NOVA1: variants seen among roughly 807,000 people sequenced by gnomAD.
NOVA1 encodes the protein RNA-binding protein Nova-1.
NOVA1 carries 7 observed loss-of-function variants against 38.0 expected under a neutral mutation model. The ratio of observed to expected loss-of-function variants is 0.18; its 90% CI spans 0.10 to 0.35. NOVA1 has a LOEUF of 0.35. Among genes scored for constraint, NOVA1 ranks in the 10% least tolerant of loss-of-function variants. The pLI is 1.00. For missense variants in NOVA1, 460 were observed against 616.0 expected, an observed-to-expected ratio of 0.75 and a Z score of 2.68; for synonymous variants, 270 against 232.5, an observed-to-expected ratio of 1.16 and a Z score of -1.47.
intron 4 of NOVA1, chr14:26,470,335 G>A: frequency 1.4e-6 from 2 of 1,458,852 alleles, no homozygotes; most frequent in Non-Finnish European, 1.9e-6. Flanking sequence ...CCTACCACAT[G>A]ATTAGAATCT....
Position 26,448,406 on chromosome 14 carries a change from G to GGCTGCT in NOVA1, c.1071_1076dup (p.Ala358_Ala359dup). The GGCTGCT allele has an allele frequency of 6.2e-7, 1 of 1,611,892 alleles. No homozygotes were observed. The highest frequency in any genetic ancestry group is 8.5e-7 in the Non-Finnish European group (1 of 1,179,426). On this transcript the variant is annotated inframe_insertion, in exon 5 of 5. Coordinates refer to ENST00000539517, the MANE Select transcript of NOVA1 (RefSeq NM_002515.3). The surrounding 1 kb of genome is among the most constrained non-coding windows in gnomAD (Gnocchi z 5.3). ...CACTGGCATAGGTGGCCAATAAATT[G>GGCTGCT]GCTGCTGCTGCTGCTGGGTTGGCAC... is the stretch of plus-strand genomic sequence containing the variant.
chr14:26,511,465 T>C (rs1888076965), intron 2 of NOVA1, among the ~76,000 whole-genome samples: 1 of 152,118 alleles, frequency 6.6e-6, no homozygotes, highest in African/African-American at 2.4e-5. Context: ...GATAGGGTAT[T>C]AATTTAAAGA....
At chr14:26,475,855 G>T (rs988116096) in intron 3 of NOVA1, among the ~76,000 whole-genome samples, 39 of 152,174 alleles carry the variant, frequency 2.6e-4, no homozygotes, top group Admixed American at 2.6e-3. Context: ...GTTTTGCTGG[G>T]CCAGAGAATA....
intron 2 of NOVA1, among the ~76,000 whole-genome samples, chr14:26,551,292 G>C (rs1486910705): frequency 6.6e-6 from 1 of 151,974 alleles, no homozygotes; most frequent in East Asian, 1.9e-4. Context: ...TGAAGGGATA[G>C]TCCAACTACA....
At chr14:26,505,938 TATTTC>T (rs887290440) in intron 2 of NOVA1, among the ~76,000 whole-genome samples, 2 of 152,156 alleles carry the variant, frequency 1.3e-5, no homozygotes, top group African/African-American at 2.4e-5. Context: ...TCATTTTCCT[TATTTC>T]ATTTGTATTA....
At chr14:26,549,878 G>GA in intron 2 of NOVA1, 4 of 417,194 alleles carry the variant, frequency 9.6e-6, no homozygotes, top group African/African-American at 2.0e-5. Flanking sequence ...ATACATACAG[G>GA]GATGAAAAGT....
intron 4 of NOVA1, among the ~76,000 whole-genome samples, chr14:26,459,064 G>A (rs1415910613): frequency 2.0e-5 from 3 of 152,014 alleles, no homozygotes; most frequent in African/African-American, 2.4e-5. Context: ...GTACAGTAAT[G>A]TCCCAGACCT....
chr14:26,527,213 A>G (rs181910335), intron 2 of NOVA1, among the ~76,000 whole-genome samples: 1 of 152,320 alleles, frequency 6.6e-6, no homozygotes, highest in Admixed American at 6.5e-5. Context: ...CCAGGAGTCA[A>G]TGGGCTAGCT....
chr14:26,478,379 A>T lies in NOVA1; in HGVS notation c.447+1598T>A, dbSNP rs569505899. Among the ~76,000 whole-genome samples the T allele has an allele frequency of 1.4e-4, 20 of 148,078 alleles. No individual in the cohort carries two copies. The South Asian group carries it at 3.8e-3, about 28-fold the overall frequency. ...TACTACTAAATTTTATGTTTTACTTAAAAAAAAATCAAGATATTGGCTTCT... is the reference window on the plus strand; with the variant it reads ...TACTACTAAATTTTATGTTTTACTTTAAAAAAAATCAAGATATTGGCTTCT... On this transcript the variant is annotated intron_variant, in intron 3 of 4. Coordinates refer to ENST00000539517, the MANE Select transcript of NOVA1 (RefSeq NM_002515.3).
chr14:26,488,616 T>C lies in NOVA1; in HGVS notation c.281-8473A>G, dbSNP rs117389432. Among the ~76,000 whole-genome samples, 1,465 of 152,342 alleles carry C rather than the reference T, an allele frequency of 9.6e-3. 9 individuals are homozygous for C. The highest frequency in any genetic ancestry group is 0.017 in the Non-Finnish European group (1,136 of 68,020). On this transcript the variant is annotated intron_variant, in intron 2 of 4. Coordinates refer to ENST00000539517, the MANE Select transcript of NOVA1 (RefSeq NM_002515.3). ...GATGACGATTCATTCATCCTCAGCATAGGTTTATGCTAAATTTAGGATCAC... is the reference window on the plus strand; with the variant it reads ...GATGACGATTCATTCATCCTCAGCACAGGTTTATGCTAAATTTAGGATCAC...
intron 3 of NOVA1, 112 bp from the exon 4 acceptor site, chr14:26,472,503 A>C (rs922963299): frequency 2.1e-6 from 1 of 471,024 alleles, no homozygotes; most frequent in Non-Finnish European, 3.6e-6. Context: ...AATCCTATGA[A>C]CAAATTTTTC....
intron 2 of NOVA1, among the ~76,000 whole-genome samples, chr14:26,521,966 TC>T (rs1888930920): frequency 6.6e-6 from 1 of 152,074 alleles, no homozygotes; most frequent in South Asian, 2.1e-4. Flanking sequence ...AAGTCAGTGT[TC>T]CTTATCATTA....
chr14:26,458,152 T>C (rs1188156264), intron 4 of NOVA1, among the ~76,000 whole-genome samples: 1 of 152,042 alleles, frequency 6.6e-6, no homozygotes, highest in Non-Finnish European at 1.5e-5. Flanking sequence ...CCACTCAGAA[T>C]GGTTATTAAA....
At chr14:26,567,518 A>G (rs529495925) in intron 2 of NOVA1, among the ~76,000 whole-genome samples, 1 of 151,696 alleles carries the variant, frequency 6.6e-6, no homozygotes, top group African/African-American at 2.4e-5. Flanking sequence ...CTGGTCTCGA[A>G]CTCCTGGACT....
intron 2 of NOVA1, among the ~76,000 whole-genome samples, chr14:26,509,639 G>A (rs551723138): frequency 2.0e-5 from 3 of 152,262 alleles, no homozygotes; most frequent in African/African-American, 7.2e-5. Flanking sequence ...AGATGGAGGA[G>A]ACATTGTTTT....
intron 4 of NOVA1, among the ~76,000 whole-genome samples, chr14:26,468,875 T>G (rs1884361163): frequency 6.6e-6 from 1 of 152,200 alleles, no homozygotes; most frequent in Non-Finnish European, 1.5e-5. Context: ...ATTCTTTTCA[T>G]GAAATTTCAG....
intron 2 of NOVA1, among the ~76,000 whole-genome samples, chr14:26,539,297 A>C (rs1407259237): frequency 2.0e-5 from 3 of 152,214 alleles, no homozygotes; most frequent in African/African-American, 7.2e-5. Flanking sequence ...ACAGAATGTA[A>C]ATTACATTAG....
rs1401525460 is a variant in NOVA1 at position 26,597,796 on chromosome 14, G to A, written c.-360C>T. 2 of 666,834 alleles carry A rather than the reference G, an allele frequency of 3.0e-6. No individual in the cohort carries two copies. The highest frequency in any genetic ancestry group is 3.9e-5 in the African/African-American group (2 of 51,206). 41.3% of individuals were successfully genotyped at this position (666,834 alleles called of 1,614,324 possible). A position where few individuals can be genotyped will look rare whatever the true frequency, so the allele number is the denominator to read the frequency against. On this transcript the variant is annotated 5_prime_UTR_variant, in exon 1 of 5. Transcript: ENST00000539517. ...GGGAGGAGGGGACCGGGGAGGACAG[G>A]CAGAGGGAGTGGGAGAGCGCGAGGG...
intron 2 of NOVA1, chr14:26,549,864 G>C: frequency 2.0e-6 from 1 of 504,916 alleles, no homozygotes; most frequent in South Asian, 1.6e-5. Flanking sequence ...AGTGACTCCT[G>C]TACATACATA....
Sources: allele counts gnomAD v4.1 joint callset (sites outside exome capture counted in the v4.1 genomes callset), GRCh38; gene constraint gnomAD v4.1.1; non-coding constraint Gnocchi (gnomAD v3.1); transcripts MANE v1.5; gene names NCBI Gene and HGNC (gene_info 2026-07-23, HGNC 2026-07-21).